Variants in PCMTD1 observed in about 807,000 individuals in gnomAD.
PCMTD1 encodes protein-L-isoaspartate (D-aspartate) O-methyltransferase domain containing 1.
Under a neutral mutation model 37.6 loss-of-function variants are expected in PCMTD1, and 12 were observed. That is an observed-to-expected ratio of 0.32 (90% confidence interval 0.20 to 0.52). The LOEUF is 0.52. PCMTD1 is among the 20% of genes least tolerant of loss of function. The pLI is 0.97. For missense variants in PCMTD1, 235 were observed against 421.3 expected (o/e 0.56, Z 3.87); for synonymous variants, 117 against 135.8 (o/e 0.86, Z 0.96).
At chr8:51,842,982 A>G (rs1310670953) in intron 3 of PCMTD1, among the ~76,000 whole-genome samples, 1 of 152,180 alleles carries the variant, frequency 6.6e-6, no homozygotes, top group Non-Finnish European at 1.5e-5. Flanking sequence ...TGAACCATAC[A>G]TAATTAAATA....
Position 51,860,960 on chromosome 8 carries a change from T to C in PCMTD1, c.192A>G (p.Ser64=). 4.3e-6 allele frequency: 7 copies of C among 1,614,190 alleles called. No individual in the cohort carries two copies. Among genetic ancestry groups the C allele is most frequent in the Non-Finnish European group, 5.1e-6 (6 of 1,180,030 alleles). ...LAWKHGNIHL[S]APCIYSEVME... is the part of the protein sequence containing the mutation. ...TAACTTCAGAATAAATGCAAGGTGC[T>C]GACAAGTGGATGTTTCCATGCTTCC... Residue 64 remains serine, a synonymous_variant, in exon 2 of 6, where the codon TCA becomes TCG. Transcript: ENST00000522514.
chr8:51,864,150 T>G (rs2038516059), intron 1 of PCMTD1, among the ~76,000 whole-genome samples: 1 of 152,006 alleles, frequency 6.6e-6, no homozygotes, highest in Non-Finnish European at 1.5e-5. Flanking sequence ...GGTCAAAAAC[T>G]GCAAAAAGAG....
intron 4 of PCMTD1, among the ~76,000 whole-genome samples, 176 bp downstream of exon 4, chr8:51,833,342 C>G (rs188166705): frequency 7.9e-5 from 12 of 151,268 alleles, no homozygotes; most frequent in Non-Finnish European, 1.3e-4. Context: ...TTCTCTATCT[C>G]CTTTGTTTAA....
At chr8:51,846,014 TAC>T (rs1452494242) in intron 2 of PCMTD1, among the ~76,000 whole-genome samples, 1 of 152,146 alleles carries the variant, frequency 6.6e-6, no homozygotes, top group Non-Finnish European at 1.5e-5. Context: ...GGTTGAAACC[TAC>T]AGAGTTCTCC....
chr8:51,885,271 G>A (rs934930497), intron 1 of PCMTD1, among the ~76,000 whole-genome samples: 1 of 152,092 alleles, frequency 6.6e-6, no homozygotes, highest in African/African-American at 2.4e-5. Context: ...GGGGCGGGGA[G>A]GATATCTTCG....
At chr8:51,855,264 A>G (rs1223097053) in intron 2 of PCMTD1, among the ~76,000 whole-genome samples, 2 of 150,690 alleles carry the variant, frequency 1.3e-5, no homozygotes, top group Non-Finnish European at 3.0e-5. Flanking sequence ...ATGGTGGCTC[A>G]CACCTGTAAT....
chr8:51,835,710 A>C (rs999928196), intron 3 of PCMTD1, among the ~76,000 whole-genome samples: 1 of 152,204 alleles, frequency 6.6e-6, no homozygotes, highest in Admixed American at 6.5e-5. Context: ...CCACTTTATC[A>C]AACATGTTAA....
At chr8:51,847,036 T>G (rs1413757358) in intron 2 of PCMTD1, among the ~76,000 whole-genome samples, 4 of 152,226 alleles carry the variant, frequency 2.6e-5, no homozygotes, top group Admixed American at 2.0e-4. Context: ...TTGTCCTGGT[T>G]AAAGCAATGT....
intron 3 of PCMTD1, among the ~76,000 whole-genome samples, chr8:51,838,642 A>G (rs1470717259): frequency 2.0e-5 from 3 of 152,292 alleles, no homozygotes; most frequent in East Asian, 1.9e-4. Flanking sequence ...TCCAAAGTAG[A>G]GAAAAAAATA....
At chr8:51,864,947 A>G (rs941345975) in intron 1 of PCMTD1, among the ~76,000 whole-genome samples, 2 of 152,052 alleles carry the variant, frequency 1.3e-5, no homozygotes, top group African/African-American at 2.4e-5. Flanking sequence ...AAAAACCTTT[A>G]GCAACTAAGA....
intron 3 of PCMTD1, among the ~76,000 whole-genome samples, chr8:51,836,808 A>C (rs1272754744): frequency 1.3e-5 from 2 of 152,144 alleles, no homozygotes; most frequent in African/African-American, 4.8e-5. Context: ...TCCTGGCCTC[A>C]AGTGATCCTC....
chr8:51,896,036 C>T (rs2038996736), intron 1 of PCMTD1: 1 of 144,268 alleles, frequency 6.9e-6, no homozygotes, highest in Non-Finnish European at 1.5e-5. Flanking sequence ...ACCTCTGACT[C>T]GCAGGTTCAA....
At chr8:51,845,488 A>G (rs2038204492) in intron 3 of PCMTD1, 173 bp downstream of exon 3, 1 of 489,968 alleles carries the variant, frequency 2.0e-6, no homozygotes, top group Non-Finnish European at 3.6e-6. Flanking sequence ...ATAGAATTAC[A>G]TATAGTAAAA....
At chr8:51,897,152 C>G (rs1206413118) in intron 1 of PCMTD1, among the ~76,000 whole-genome samples, 15 of 152,116 alleles carry the variant, frequency 9.9e-5, no homozygotes, top group Non-Finnish European at 2.2e-4. Context: ...CTCAGTTGTT[C>G]TTTCCCTGGA....
intron 1 of PCMTD1, among the ~76,000 whole-genome samples, chr8:51,873,267 C>T (rs2038663532): frequency 6.6e-6 from 1 of 151,998 alleles, no homozygotes; most frequent in African/African-American, 2.4e-5. Flanking sequence ...TCTGGATTTC[C>T]CATACAATAA....
intron 2 of PCMTD1, among the ~76,000 whole-genome samples, chr8:51,857,098 C>T (rs1386266822): frequency 2.0e-5 from 3 of 152,234 alleles, no homozygotes; most frequent in Non-Finnish European, 2.9e-5. Context: ...GACCATTTAA[C>T]GTCCCATGAC....
In PCMTD1 at chr8:51,861,287, C is replaced by T. The variant is rs919433002; in HGVS notation, c.-95-41G>A. 9.6e-5 allele frequency: 126 copies of T among 1,309,590 alleles called. No individual in the cohort carries two copies. In the African/African-American group the frequency reaches 1.5e-3, roughly 15 times the overall value. The allele number at this position is 1,309,590 out of a possible 1,614,324, so 81.1% of individuals were successfully genotyped here. A position where few individuals can be genotyped will look rare whatever the true frequency, so the allele number is the denominator to read the frequency against. ...AAAAATAAACAGGTTTAAATTAATGCTCAAAAGCAAAATAACTTGTTTATT... is the reference window on the plus strand; with the variant it reads ...AAAAATAAACAGGTTTAAATTAATGTTCAAAAGCAAAATAACTTGTTTATT... On this transcript the variant is annotated intron_variant, in intron 1 of 5. Transcript: ENST00000522514.
At chr8:51,879,251 C>T (rs1016948636) in intron 1 of PCMTD1, among the ~76,000 whole-genome samples, 69 of 151,082 alleles carry the variant, frequency 4.6e-4, no homozygotes, top group African/African-American at 1.6e-3. Flanking sequence ...AGAAAAATCA[C>T]CTTAGGAATG....
At chr8:51,862,371 C>CACAT (rs1196761784) in intron 1 of PCMTD1, among the ~76,000 whole-genome samples, 2 of 151,980 alleles carry the variant, frequency 1.3e-5, no homozygotes, top group Non-Finnish European at 2.9e-5. Context: ...CACACACACA[C>CACAT]ACTCACACAC....
Sources: gnomAD v4.1 joint callset for allele counts (sites outside exome capture counted in the v4.1 genomes callset) on GRCh38, gnomAD v4.1.1 for gene constraint, MANE v1.5 for transcripts, NCBI Gene and HGNC (gene_info 2026-07-23, HGNC 2026-07-21) for gene names.